The following CPED1 variants were observed in gnomAD, a reference collection of about 807,000 sequenced individuals.
CPED1 encodes the protein cadherin-like and PC-esterase domain-containing protein 1.
CPED1 carries 114 observed loss-of-function variants against 128.2 expected under a neutral mutation model. That is an observed-to-expected ratio of 0.89 (90% CI 0.76 to 1.04). The LOEUF (loss-of-function observed/expected upper bound fraction) is 1.04. CPED1 is among the 50% of genes least tolerant of loss of function. The pLI is 0.00. For missense variants in CPED1, 1,211 were observed against 1,207.1 expected, an observed-to-expected ratio of 1.00 and a Z score of -0.05; for synonymous variants, 462 against 426.7, an observed-to-expected ratio of 1.08 and a Z score of -1.02.
At chr7:121,033,029 T>C (rs1477817344) in intron 3 of CPED1, among the ~76,000 whole-genome samples, 1 of 152,186 alleles carries the variant, frequency 6.6e-6, no homozygotes, top group Non-Finnish European at 1.5e-5. Flanking sequence ...TATTTACTCA[T>C]GAAAATGTAC....
chr7:121,287,858 T>C (rs1792616682), intron 22 of CPED1, among the ~76,000 whole-genome samples: 1 of 152,194 alleles, frequency 6.6e-6, no homozygotes. Context: ...CATTGTTGAA[T>C]TTAGTGAAGA....
At chr7:121,067,365 T>G (rs1793861485) in intron 5 of CPED1, among the ~76,000 whole-genome samples, 3 of 152,030 alleles carry the variant, frequency 2.0e-5, no homozygotes, top group African/African-American at 7.2e-5. Context: ...ACATGTGGTG[T>G]TTGTTTTTTT....
At chr7:121,090,424 A>G (rs1180845739) in intron 5 of CPED1, among the ~76,000 whole-genome samples, 1 of 152,174 alleles carries the variant, frequency 6.6e-6, no homozygotes. Context: ...GTACACTGAT[A>G]TGATAACATC....
intron 10 of CPED1, 125 bp downstream of exon 10, chr7:121,127,382 A>G: frequency 1.8e-6 from 1 of 550,502 alleles, no homozygotes; most frequent in South Asian, 3.1e-5. Context: ...CTATTATATC[A>G]CACTTCTTAA....
intron 18 of CPED1, among the ~76,000 whole-genome samples, chr7:121,249,396 A>G (rs1457959547): frequency 6.6e-6 from 1 of 152,160 alleles, no homozygotes; most frequent in East Asian, 1.9e-4. Flanking sequence ...AGATCAATAT[A>G]AAAGAAAAAA....
intron 10 of CPED1, among the ~76,000 whole-genome samples, chr7:121,127,764 G>A (rs563374217): frequency 1.7e-4 from 26 of 151,948 alleles, no homozygotes; most frequent in Non-Finnish European, 3.5e-4. Flanking sequence ...TTGAACTCCT[G>A]ACCTCGTGAT....
chr7:121,208,191 A>G (rs369390383), intron 16 of CPED1, among the ~76,000 whole-genome samples: 4 of 152,148 alleles, frequency 2.6e-5, no homozygotes, highest in South Asian at 4.1e-4. Flanking sequence ...TACAGTATGT[A>G]ATGTACAGCT....
At chr7:121,063,583 T>A (rs1793742586) in intron 4 of CPED1, among the ~76,000 whole-genome samples, 1 of 152,104 alleles carries the variant, frequency 6.6e-6, no homozygotes, top group Non-Finnish European at 1.5e-5. Flanking sequence ...AAAATGAATC[T>A]GATTTTCAAG....
intron 4 of CPED1, among the ~76,000 whole-genome samples, chr7:121,047,715 C>CTTTTTTTTT (rs530980600): frequency 1.3e-5 from 1 of 76,064 alleles, no homozygotes; most frequent in African/African-American, 5.8e-5. Flanking sequence ...TCTTCTTCTT[C>CTTTTTTTTT]TTTTTTTTTT....
At chr7:121,291,190 G>C (rs1225278476) in intron 22 of CPED1, among the ~76,000 whole-genome samples, 1 of 152,186 alleles carries the variant, frequency 6.6e-6, no homozygotes, top group Non-Finnish European at 1.5e-5. Context: ...GTACCATGCT[G>C]TTTTGGTTAC....
At chr7:121,131,802 A>G (rs377265466) in intron 12 of CPED1, among the ~76,000 whole-genome samples, 1 of 152,050 alleles carries the variant, frequency 6.6e-6, no homozygotes, top group Non-Finnish European at 1.5e-5. Context: ...CAAAATATGC[A>G]TTATACTATG....
At chr7:121,129,903 A>AC (rs998586549) in intron 11 of CPED1, among the ~76,000 whole-genome samples, 2 of 151,612 alleles carry the variant, frequency 1.3e-5, no homozygotes, top group African/African-American at 4.8e-5. Context: ...AGAAAAAAAA[A>AC]AACTCACCCT....
chr7:121,101,735 A>C (rs1794855451), intron 7 of CPED1, among the ~76,000 whole-genome samples: 1 of 152,116 alleles, frequency 6.6e-6, no homozygotes, highest in African/African-American at 2.4e-5. Context: ...GGTGGAAGGC[A>C]AAGTGGGAGC....
chr7:121,199,673 CAAAAAAAAAAA>C (rs1160203035), intron 16 of CPED1, among the ~76,000 whole-genome samples: 1 of 86,942 alleles, frequency 1.2e-5, no homozygotes, highest in Non-Finnish European at 2.1e-5. Context: ...GAGACTCCAT[CAAAAAAAAAAA>C]AAAAAAAAAA....
intron 16 of CPED1, among the ~76,000 whole-genome samples, chr7:121,201,248 C>T (rs1797390473): frequency 6.6e-6 from 1 of 152,000 alleles, no homozygotes; most frequent in African/African-American, 2.4e-5. Flanking sequence ...GCCTGGTCAA[C>T]ATGGTAACAC....
chr7:121,275,609 A>G (rs1191491258), intron 22 of CPED1, among the ~76,000 whole-genome samples: 1 of 152,094 alleles, frequency 6.6e-6, no homozygotes, highest in Non-Finnish European at 1.5e-5. Flanking sequence ...ACCTTATATA[A>G]TATCTTCCTT....
At chr7:121,055,410 A>T (rs527518375) in intron 4 of CPED1, among the ~76,000 whole-genome samples, 446 of 152,094 alleles carry the variant, frequency 2.9e-3, no homozygotes, top group Non-Finnish European at 4.5e-3. Context: ...ACAGTAAATT[A>T]ATTTTTTAAT....
chr7:121,248,777 G>A (rs552466568), intron 18 of CPED1, among the ~76,000 whole-genome samples: 1 of 152,156 alleles, frequency 6.6e-6, no homozygotes, highest in East Asian at 1.9e-4. Flanking sequence ...AAAAACTAGA[G>A]TGTTCTCTTA....
intron 2 of CPED1, among the ~76,000 whole-genome samples, chr7:120,996,458 T>C (rs1219494286): frequency 6.6e-6 from 1 of 152,110 alleles, no homozygotes; most frequent in African/African-American, 2.4e-5. Context: ...CAGCCCTTAT[T>C]CAGAAACATT....
Sources: allele counts gnomAD v4.1 joint callset (sites outside exome capture counted in the v4.1 genomes callset), GRCh38; gene constraint gnomAD v4.1.1; transcripts MANE v1.5; gene names NCBI Gene and HGNC (gene_info 2026-07-23, HGNC 2026-07-21).